MEGF8: variants seen among roughly 807,000 people sequenced by gnomAD.
MEGF8 encodes multiple EGF like domains 8.
Under a neutral mutation model 302.9 loss-of-function variants are expected in MEGF8, and 156 were observed. The ratio of observed to expected loss-of-function variants is 0.52; its 90% CI spans 0.45 to 0.59. The LOEUF (loss-of-function observed/expected upper bound fraction) is 0.59. Ranked by LOEUF, MEGF8 falls within the 20% of genes least tolerant of loss-of-function variation. The probability of loss-of-function intolerance (pLI) is 0.00; values close to 1 mark genes in which losing one functional copy is unlikely to be tolerated. For synonymous variants in MEGF8, 1,621 were observed against 1,660.5 expected, an observed-to-expected ratio of 0.98 and a Z score of 0.58; for missense variants, 3,345 against 3,964.5, an observed-to-expected ratio of 0.84 and a Z score of 4.20.
intron 8 of MEGF8, 135 bp from the exon 9 acceptor site, chr19:42,343,342 A>C: frequency 1.1e-6 from 1 of 896,366 alleles, no homozygotes; most frequent in Non-Finnish European, 1.6e-6. Context: ...GGGCTGGGAG[A>C]GTGTCCTTGG....
intron 41 of MEGF8, among the ~76,000 whole-genome samples, chr19:42,372,898 T>A (rs927752527): frequency 1.3e-5 from 2 of 151,766 alleles, no homozygotes; most frequent in Admixed American, 6.6e-5. Context: ...GTCTCAAACT[T>A]CTGAGCTCAG....
rs776278617 is a variant in MEGF8 at position 42,339,806 on chromosome 19, C to A, written c.1513+2600C>A. Among the ~76,000 whole-genome samples, 97 of 152,306 alleles carry A rather than the reference C, an allele frequency of 6.4e-4. 3 individuals are homozygous for A. Among genetic ancestry groups the A allele is most frequent in the Middle Eastern group, 3.4e-3 (1 of 294 alleles). ...GGGTGCAGTGGCTCACACCTGTAAT[C>A]CCAGCACTTTAGGACGCCATGGCGG... On this transcript the variant is annotated intron_variant, in intron 8 of 41. Transcript: ENST00000251268.
At position 42,375,901 on chromosome 19, in the gene MEGF8, G is replaced by T. The variant is rs769310948; in HGVS notation, c.7664G>T (p.Ser2555Ile). The T allele has an allele frequency of 1.9e-5, 31 of 1,601,154 alleles. 2 individuals carry two copies. The highest frequency in any genetic ancestry group is 1.7e-4 in the South Asian group (15 of 89,656). ...GAGDPGGAGA[S>I]SGPGAPAEPR... ...GGGGATCCAGGAGGAGCAGGGGCCA[G>T]CAGTGGGCCGGGCGCCCCAGCAGAG... Residue 2555 changes from serine to isoleucine, a missense_variant, in exon 42 of 42, where the codon AGC becomes ATC. Transcript: ENST00000251268. The surrounding 1 kb of genome is among the most constrained non-coding windows in gnomAD (Gnocchi z 7.1).
chr19:42,361,066 C>G, intron 32 of MEGF8, 60 bp downstream of exon 32: 2 of 1,478,450 alleles, frequency 1.4e-6, no homozygotes, highest in Non-Finnish European at 1.8e-6. Context: ...GGGTCCTGTG[C>G]TAGGCCACAC....
At chr19:42,346,726 G>A (rs987503482) in intron 12 of MEGF8, among the ~76,000 whole-genome samples, 1 of 151,264 alleles carries the variant, frequency 6.6e-6, no homozygotes, top group South Asian at 2.1e-4. Flanking sequence ...GGCTCACGCC[G>A]GTAATCCCAG....
intron 8 of MEGF8, among the ~76,000 whole-genome samples, chr19:42,339,082 C>T (rs1032544719): frequency 2.6e-4 from 39 of 152,268 alleles, no homozygotes; most frequent in African/African-American, 8.7e-4. Flanking sequence ...GATCCACCTG[C>T]CTCGGCCTCC....
At position 42,378,663 on chromosome 19, in the gene MEGF8, A is replaced by C. The variant is rs2039799683; in HGVS notation, c.*1888A>C. ...GCATCTTCCCTTCGCGTGGAGCCTC[A>C]GTGTGAGAGGCCCTAGCCAATGCGT... On this transcript the variant is annotated 3_prime_UTR_variant, in exon 42 of 42. Coordinates refer to ENST00000251268, the MANE Select transcript of MEGF8 (RefSeq NM_001271938.2). 2 of 140,566 alleles carry C rather than the reference A, an allele frequency of 1.4e-5. No homozygotes were observed. Among genetic ancestry groups the C allele is most frequent in the South Asian group, 2.7e-4 (1 of 3,760 alleles). The allele number at this position is 140,566 out of a possible 1,614,324, so 8.7% of individuals were successfully genotyped here. A position where few individuals can be genotyped will look rare whatever the true frequency, so the allele number is the denominator to read the frequency against.
chr19:42,372,181 C>G (rs1344329728), intron 41 of MEGF8, among the ~76,000 whole-genome samples: 1 of 152,296 alleles, frequency 6.6e-6, no homozygotes, highest in Non-Finnish European at 1.5e-5. Context: ...CGGGTGCTCA[C>G]ACAATGCCAT....
chr19:42,364,394 G>A (rs1218520375), intron 35 of MEGF8, among the ~76,000 whole-genome samples: 1 of 152,056 alleles, frequency 6.6e-6, no homozygotes, highest in African/African-American at 2.4e-5. Context: ...TTCATACCTC[G>A]ATTATGCAAG....
rs930695514 is a variant in MEGF8 at position 42,334,086 on chromosome 19, G to T, written c.431G>T (p.Gly144Val). 2 of 1,613,554 alleles carry T rather than the reference G, an allele frequency of 1.2e-6. No homozygotes were observed. Among genetic ancestry groups the T allele is most frequent in the Non-Finnish European group, 8.5e-7 (1 of 1,179,838 alleles). The change falls in exon 3 of 42, where the codon GGT becomes GTT. Residue 144 changes from glycine (G) to valine (V), a missense_variant. Physicochemically the swap from Gly to Val is moderately radical, Grantham distance 109. Coordinates refer to ENST00000251268, the MANE Select transcript of MEGF8 (RefSeq NM_001271938.2). ...NASFRFSLCP[G>V]GCQSHGQCQP... Reference sequence around the variant, plus strand: ...TCATTCCGCTTCTCCCTGTGCCCGGGTGGCTGCCAGAGCCACGGGCAGTGC... The same window carrying T: ...TCATTCCGCTTCTCCCTGTGCCCGGTTGGCTGCCAGAGCCACGGGCAGTGC...
At chr19:42,373,371 G>A (rs928201520) in intron 41 of MEGF8, among the ~76,000 whole-genome samples, 1 of 151,836 alleles carries the variant, frequency 6.6e-6, no homozygotes, top group African/African-American at 2.4e-5. Flanking sequence ...GATCACAGGC[G>A]TGAGCCACCA....
chr19:42,354,133 T>G lies in MEGF8; in HGVS notation c.4011+109T>G. 2 of 1,317,276 alleles carry G rather than the reference T, an allele frequency of 1.5e-6. No homozygotes were observed. The highest frequency in any genetic ancestry group is 1.0e-6 in the Non-Finnish European group (1 of 991,666). 81.6% of individuals were successfully genotyped at this position (1,317,276 alleles called of 1,614,324 possible). On this transcript the variant is annotated intron_variant, in intron 22 of 41. Coordinates refer to ENST00000251268, the MANE Select transcript of MEGF8 (RefSeq NM_001271938.2). The surrounding 1 kb of genome is among the most constrained non-coding windows in gnomAD (Gnocchi z 4.3). ...TAGTATTGCTGTTTTTTTTTTTTTGTTTTTTTAATCCTTCAAAACCCAAAC... is the reference window on the plus strand; with the variant it reads ...TAGTATTGCTGTTTTTTTTTTTTTGGTTTTTTAATCCTTCAAAACCCAAAC...
At chr19:42,349,738 C>T in intron 14 of MEGF8, 39 bp downstream of exon 14, 2 of 1,588,452 alleles carry the variant, frequency 1.3e-6, no homozygotes, top group Non-Finnish European at 8.6e-7. Flanking sequence ...TAGCCGCAGG[C>T]CCCAGCCTCA....
In MEGF8 at chr19:42,336,377, A is replaced by G. The variant is rs1217780131; in HGVS notation, c.1244+31A>G. On this transcript the variant is annotated intron_variant, in intron 6 of 41. Coordinates refer to ENST00000251268, the MANE Select transcript of MEGF8 (RefSeq NM_001271938.2). This position sits in a 1 kb window ranked among gnomAD's most constrained non-coding sequence, Gnocchi z 4.8. ...TGACCTGTCCCATAACCCATGCTCC[A>G]CAGGCCAGGCCCAGCTCAACACCAT... 1.3e-6 allele frequency: 2 copies of G among 1,554,146 alleles called. No individual in the cohort carries two copies. The highest frequency in any genetic ancestry group is 2.4e-5 in the South Asian group (2 of 83,204).
chr19:42,345,972 C>T (rs1413342938), intron 12 of MEGF8, among the ~76,000 whole-genome samples: 1 of 152,166 alleles, frequency 6.6e-6, no homozygotes, highest in Non-Finnish European at 1.5e-5. Context: ...ACGATCTTGG[C>T]TCACTGCAAC....
intron 1 of MEGF8, among the ~76,000 whole-genome samples, chr19:42,330,474 G>C (rs779063223): frequency 5.3e-5 from 8 of 152,218 alleles, no homozygotes; most frequent in Non-Finnish European, 1.0e-4. Flanking sequence ...GGGAGGTCTG[G>C]TTGTGTGGCC....
intron 38 of MEGF8, 89 bp from the exon 39 acceptor site, chr19:42,370,100 G>A: frequency 7.0e-7 from 1 of 1,422,910 alleles, no homozygotes; most frequent in Non-Finnish European, 9.5e-7. Flanking sequence ...CCCTCCCGTG[G>A]GCTCTCAGAA....
In MEGF8 at chr19:42,375,930, C is replaced by T. The variant is rs760698976; in HGVS notation, c.7693C>T (p.Arg2565Trp). 71 of 1,600,594 alleles carry T rather than the reference C, an allele frequency of 4.4e-5. No homozygotes were observed. The highest frequency in any genetic ancestry group is 3.3e-4 in the Middle Eastern group (2 of 6,026). ...TGGGCCGGGCGCCCCAGCAGAGCCACGGGTACGGGAGGTATGGCCGCGGGG... is the reference window on the plus strand; with the variant it reads ...TGGGCCGGGCGCCCCAGCAGAGCCATGGGTACGGGAGGTATGGCCGCGGGG... ...SSGPGAPAEP[R>W]VREVWPRGLI... Residue 2565 changes from arginine (R) to tryptophan (W), a missense_variant, in exon 42 of 42, where the codon CGG becomes TGG. Transcript: ENST00000251268. The surrounding 1 kb of genome is among the most constrained non-coding windows in gnomAD (Gnocchi z 7.1).
intron 14 of MEGF8, among the ~76,000 whole-genome samples, 197 bp downstream of exon 14, chr19:42,349,896 C>G (rs1306768079): frequency 6.6e-6 from 1 of 152,072 alleles, no homozygotes; most frequent in African/African-American, 2.4e-5. Flanking sequence ...TAACCTGATC[C>G]CATATTTTGA....
Sources: allele counts gnomAD v4.1 joint callset (sites outside exome capture counted in the v4.1 genomes callset), GRCh38; gene constraint gnomAD v4.1.1; non-coding constraint Gnocchi (gnomAD v3.1); transcripts MANE v1.5; gene names NCBI Gene and HGNC (gene_info 2026-07-23, HGNC 2026-07-21).